MTA3: variants seen among roughly 807,000 people sequenced by gnomAD.
The protein encoded by MTA3 is metastasis-associated protein MTA3.
MTA3 carries 34 observed loss-of-function variants against 83.5 expected under a neutral mutation model. That is an observed-to-expected ratio of 0.41 (90% confidence interval 0.31 to 0.54). The LOEUF is 0.54. Among genes scored for constraint, MTA3 ranks in the 20% least tolerant of loss-of-function variants. The probability of loss-of-function intolerance (pLI) is 0.33; values close to 1 mark genes in which losing one functional copy is unlikely to be tolerated. For missense variants in MTA3, 761 were observed against 726.4 expected (o/e 1.05, Z -0.55); for synonymous variants, 303 against 252.7 (o/e 1.20, Z -1.89).
chr2:42,552,260 A>T (rs895841204), intron 2 of MTA3, among the ~76,000 whole-genome samples: 4 of 152,214 alleles, frequency 2.6e-5, no homozygotes, highest in African/African-American at 9.6e-5. Flanking sequence ...TGAGCTGGTA[A>T]AGAGATAAAG....
chr2:42,711,778 G>GTGTGTT lies in MTA3; in HGVS notation c.1525+2682_1525+2683insTGTGTT, dbSNP rs1431509942. On this transcript the variant is annotated intron_variant, in intron 14 of 16. Coordinates refer to ENST00000405094, the MANE Select transcript of MTA3 (RefSeq NM_001330442.2). ...ATCTACTGGGAGTGTATAGGAGAGA[G>GTGTGTT]AGAGAGTGTGTGTGTGTGTGTGTGT... is the stretch of plus-strand genomic sequence containing the variant. Among the ~76,000 whole-genome samples, 217 of 77,610 alleles carry GTGTGTT rather than the reference G, an allele frequency of 2.8e-3. 1 individual carries two copies. Among genetic ancestry groups the GTGTGTT allele is most frequent in the African/African-American group, 4.6e-3 (84 of 18,134 alleles). The allele number at this position is 77,610 out of a possible 152,430, so 50.9% of individuals were successfully genotyped here.
At chr2:42,669,551 C>T (rs1690607601) in intron 8 of MTA3, among the ~76,000 whole-genome samples, 1 of 152,112 alleles carries the variant, frequency 6.6e-6, no homozygotes, top group African/African-American at 2.4e-5. Flanking sequence ...AGAATTAGTA[C>T]TAATGGACTA....
chr2:42,617,975 T>C (rs1685107831), intron 4 of MTA3, among the ~76,000 whole-genome samples: 1 of 152,018 alleles, frequency 6.6e-6, no homozygotes, highest in African/African-American at 2.4e-5. Context: ...GATGTGGTTT[T>C]GCTCTGTTGC....
chr2:42,594,730 T>TATATATATATATATA, intron 3 of MTA3, among the ~76,000 whole-genome samples: 1 of 14,046 alleles, frequency 7.1e-5, no homozygotes, highest in South Asian at 5.6e-3. Flanking sequence ...ATATATATAT[T>TATATATATATATATA]TTTTTTTTTT....
chr2:42,524,486 T>TTG (rs1675586475), intron 2 of MTA3, among the ~76,000 whole-genome samples: 1 of 146,234 alleles, frequency 6.8e-6, no homozygotes, highest in Non-Finnish European at 1.5e-5. Flanking sequence ...TTTTTTTTTT[T>TTG]TTTTTTTTTT....
chr2:42,616,563 C>CTT (rs1684912881), intron 4 of MTA3, among the ~76,000 whole-genome samples: 1 of 99,562 alleles, frequency 1.0e-5, no homozygotes, highest in Non-Finnish European at 2.0e-5. Flanking sequence ...TTAATCTCTT[C>CTT]TTCTTCTTCT....
intron 16 of MTA3, among the ~76,000 whole-genome samples, chr2:42,723,888 G>T (rs1213266650): frequency 6.6e-6 from 1 of 152,084 alleles, no homozygotes; most frequent in Non-Finnish European, 1.5e-5. Context: ...AATTTCCTAT[G>T]GTTGTTTTCC....
At chr2:42,708,426 T>C (rs1666298650) in intron 13 of MTA3, among the ~76,000 whole-genome samples, 1 of 152,304 alleles carries the variant, frequency 6.6e-6, no homozygotes, top group East Asian at 1.9e-4. Context: ...CGTGGCTGTT[T>C]TGGAGGGACA....
chr2:42,671,035 AGTT>A (rs1329525699), intron 8 of MTA3, among the ~76,000 whole-genome samples: 2 of 151,838 alleles, frequency 1.3e-5, no homozygotes, highest in Non-Finnish European at 2.9e-5. Context: ...TGTGACATTT[AGTT>A]GTTGTATCTT....
chr2:42,638,856 A>G (rs1346775265), intron 4 of MTA3, among the ~76,000 whole-genome samples: 5 of 150,980 alleles, frequency 3.3e-5, no homozygotes, highest in Non-Finnish European at 5.9e-5. Context: ...TCTAACCTAC[A>G]GTGATCACCA....
chr2:42,733,095 G>T (rs893776382), intron 16 of MTA3, among the ~76,000 whole-genome samples: 2 of 152,200 alleles, frequency 1.3e-5, no homozygotes, highest in Admixed American at 6.5e-5. Context: ...ACATTTTCGG[G>T]TATCTTTTCA....
At chr2:42,658,863 C>G (rs1689417130) in intron 7 of MTA3, among the ~76,000 whole-genome samples, 1 of 151,578 alleles carries the variant, frequency 6.6e-6, no homozygotes, top group East Asian at 1.9e-4. Context: ...TCACTTGAGC[C>G]CAGGAGTTTC....
intron 11 of MTA3, among the ~76,000 whole-genome samples, chr2:42,700,450 GATT>G (rs913195872): frequency 6.6e-6 from 1 of 152,154 alleles, no homozygotes; most frequent in African/African-American, 2.4e-5. Flanking sequence ...TTCCTTTTGT[GATT>G]ATTATCATTA....
At chr2:42,600,153 G>A (rs1489607479) in intron 3 of MTA3, among the ~76,000 whole-genome samples, 4 of 152,066 alleles carry the variant, frequency 2.6e-5, no homozygotes, top group East Asian at 1.9e-4. Context: ...AGCCAAGGTC[G>A]CGCCACTGCA....
intron 16 of MTA3, among the ~76,000 whole-genome samples, chr2:42,740,574 G>A (rs969260289): frequency 6.6e-6 from 1 of 152,230 alleles, no homozygotes; most frequent in Non-Finnish European, 1.5e-5. Context: ...TCCTAGAATG[G>A]ATAATAGAAG....
chr2:42,718,444 C>T (rs766819077), intron 14 of MTA3, among the ~76,000 whole-genome samples: 1 of 150,618 alleles, frequency 6.6e-6, no homozygotes, highest in Non-Finnish European at 1.5e-5. Flanking sequence ...TGGGGTTTCT[C>T]CATGTTGGAC....
chr2:42,696,749 T>C (rs751012348), intron 10 of MTA3, among the ~76,000 whole-genome samples: 6 of 151,988 alleles, frequency 3.9e-5, no homozygotes, highest in Non-Finnish European at 8.8e-5. Flanking sequence ...TAAAAATAAA[T>C]AAAAATTGAA....
intron 4 of MTA3, among the ~76,000 whole-genome samples, chr2:42,638,859 G>A (rs1302072293): frequency 6.7e-6 from 1 of 149,674 alleles, no homozygotes; most frequent in African/African-American, 2.5e-5. Flanking sequence ...AACCTACAGT[G>A]ATCACCAGAA....
At chr2:42,701,627 A>G (rs184754157) in intron 11 of MTA3, among the ~76,000 whole-genome samples, 112 of 152,142 alleles carry the variant, frequency 7.4e-4, no homozygotes, top group African/African-American at 2.5e-3. Context: ...TTAAAAACCA[A>G]TTTGTTGGCT....
Sources: gnomAD v4.1 joint callset for allele counts (sites outside exome capture counted in the v4.1 genomes callset) on GRCh38, gnomAD v4.1.1 for gene constraint, MANE v1.5 for transcripts, NCBI Gene and HGNC (gene_info 2026-07-23, HGNC 2026-07-21) for gene names.